The following NFATC2 variants were observed in gnomAD, a reference collection of about 807,000 sequenced individuals.
NFATC2 encodes the protein nuclear factor of activated T cells 2.
Under a neutral mutation model 87.3 loss-of-function variants are expected in NFATC2, and 22 were observed. The ratio of observed to expected loss-of-function variants is 0.25; its 90% CI spans 0.18 to 0.36. The LOEUF (loss-of-function observed/expected upper bound fraction) is 0.36. Ranked by LOEUF, NFATC2 falls within the 10% of genes least tolerant of loss-of-function variation. The pLI, the probability that NFATC2 is intolerant of heterozygous loss-of-function variation, is 1.00. For missense variants in NFATC2, 1,149 were observed against 1,259.1 expected (o/e 0.91, Z 1.32); for synonymous variants, 565 against 542.2 (o/e 1.04, Z -0.58).
intron 9 of NFATC2, among the ~76,000 whole-genome samples, chr20:51,415,285 A>G (rs1330878512): frequency 6.6e-6 from 1 of 152,044 alleles, no homozygotes; most frequent in African/African-American, 2.4e-5. Flanking sequence ...CAATCAGGAG[A>G]AAGTCTCCCT....
At chr20:51,440,864 T>G (rs1260358446) in intron 6 of NFATC2, among the ~76,000 whole-genome samples, 1 of 152,216 alleles carries the variant, frequency 6.6e-6, no homozygotes, top group Non-Finnish European at 1.5e-5. Context: ...TGGGGTCATT[T>G]TCCCAGGCTC....
upstream of NFATC2, among the ~76,000 whole-genome samples, chr20:51,543,679 A>G (rs539863208): frequency 7.9e-5 from 12 of 152,342 alleles, no homozygotes; most frequent in Admixed American, 2.6e-4. Flanking sequence ...TTCTGATTCC[A>G]TAAGTCTGAA....
intron 5 of NFATC2, among the ~76,000 whole-genome samples, chr20:51,463,086 T>C (rs1199610902): frequency 6.6e-6 from 1 of 152,258 alleles, no homozygotes; most frequent in Admixed American, 6.5e-5. Flanking sequence ...TCCTTGGCTG[T>C]GAGCCTGGTC....
At chr20:51,427,447 G>A (rs933008115) in intron 9 of NFATC2, among the ~76,000 whole-genome samples, 4 of 152,120 alleles carry the variant, frequency 2.6e-5, no homozygotes, top group East Asian at 1.9e-4. Flanking sequence ...AAGTAACCGC[G>A]CTCATGACAG....
At chr20:51,515,877 T>C (rs751296454) in intron 3 of NFATC2, among the ~76,000 whole-genome samples, 1 of 152,176 alleles carries the variant, frequency 6.6e-6, no homozygotes, top group Non-Finnish European at 1.5e-5. Context: ...CCCAACAATC[T>C]GAATTTTTAA....
At chr20:51,457,105 G>C (rs1986625486) in intron 5 of NFATC2, among the ~76,000 whole-genome samples, 1 of 152,242 alleles carries the variant, frequency 6.6e-6, no homozygotes, top group Admixed American at 6.5e-5. Flanking sequence ...TCTCCCACAT[G>C]GGCTGGGTTA....
At chr20:51,468,297 T>C (rs1430205597) in intron 5 of NFATC2, among the ~76,000 whole-genome samples, 1 of 120,374 alleles carries the variant, frequency 8.3e-6, no homozygotes, top group Non-Finnish European at 1.8e-5. Flanking sequence ...TGCAATCTAC[T>C]TTATCTTAAT....
intron 10 of NFATC2, among the ~76,000 whole-genome samples, chr20:51,391,735 C>G (rs1986373396): frequency 6.6e-6 from 1 of 152,090 alleles, no homozygotes; most frequent in Non-Finnish European, 1.5e-5. Context: ...AGGCTGGTCT[C>G]AAACTCCTGA....
rs374639245 is a variant in NFATC2 at position 51,517,490 on chromosome 20, G to A, written c.1161-535C>T. ...GCCTATAGTCCCAGCTACCTGGGAC[G>A]CTGAGGTGGGAAGATCATCTGAGCC... is the stretch of plus-strand genomic sequence containing the variant. On this transcript the variant is annotated intron_variant, in intron 2 of 10. Coordinates refer to ENST00000371564, the MANE Select transcript of NFATC2 (RefSeq NM_012340.5). Among the ~76,000 whole-genome samples the A allele has an allele frequency of 2.3e-3, 351 of 152,020 alleles. 2 individuals carry two copies. The highest frequency in any genetic ancestry group is 7.6e-3 in the African/African-American group (313 of 41,452).
rs369708179 is a variant in NFATC2 at position 51,527,240 on chromosome 20, G to A, written c.131-3130C>T. ...AAAGCATCAAGCTCCTTCCTGCCCC[G>A]GGACCTTGGTACTTGCTGCTCCCCC... is the stretch of plus-strand genomic sequence containing the variant. On this transcript the variant is annotated intron_variant, in intron 1 of 10. Coordinates refer to ENST00000371564, the MANE Select transcript of NFATC2 (RefSeq NM_012340.5). 6.4e-4 allele frequency among the ~76,000 whole-genome samples: 98 copies of A among 152,126 alleles called. No homozygotes were observed. The South Asian group carries it at 6.9e-3, about 11-fold the overall frequency.
intron 3 of NFATC2, among the ~76,000 whole-genome samples, chr20:51,491,161 C>A (rs1423460031): frequency 6.6e-6 from 1 of 152,124 alleles, no homozygotes; most frequent in Admixed American, 6.5e-5. Context: ...AAAGGAAAAT[C>A]ATCTCCTGGC....
rs1375040609 is a variant in NFATC2, at chr20:51,533,097, C to T, written c.131-8987G>A. ...GCACTTAGGATGCCACAGCTGGCAC[C>T]GCAGATCTGTAGCCGGAGGAAAGGG... On this transcript the variant is annotated intron_variant, in intron 1 of 10. Coordinates refer to ENST00000371564, the MANE Select transcript of NFATC2 (RefSeq NM_012340.5). Among the ~76,000 whole-genome samples the T allele has an allele frequency of 5.9e-5, 9 of 152,314 alleles. 1 individual carries two copies. Among genetic ancestry groups the T allele is most frequent in the Middle Eastern group, 6.8e-3 (2 of 294 alleles).
At chr20:51,546,547 C>G (rs1038649412), upstream of NFATC2, among the ~76,000 whole-genome samples, 2 of 152,104 alleles carry the variant, frequency 1.3e-5, no homozygotes, top group African/African-American at 4.8e-5. Context: ...TGTCTGACCT[C>G]CTTTGGACAC....
At chr20:51,522,013 T>G (rs1460057172) in intron 2 of NFATC2, among the ~76,000 whole-genome samples, 1 of 152,216 alleles carries the variant, frequency 6.6e-6, no homozygotes, top group Non-Finnish European at 1.5e-5. Context: ...GGCATTGTAT[T>G]AGGTATTCTA....
chr20:51,391,104 T>C lies in NFATC2; in HGVS notation c.*392A>G. On this transcript the variant is annotated 3_prime_UTR_variant, in exon 11 of 11. Transcript: ENST00000371564. The stretch of plus-strand genomic sequence containing the variant: ...TTCTCAGGAGAGTTCCAGTGTCCTG[T>C]CTCATGTAGAATGTGCTTTTGGTCA... 1 of 546,284 alleles carries C rather than the reference T, an allele frequency of 1.8e-6. No homozygotes were observed. The highest frequency in any genetic ancestry group is 1.8e-5 in the South Asian group (1 of 56,180). The allele number at this position is 546,284 out of a possible 1,614,324, so 33.8% of individuals were successfully genotyped here.
chr20:51,543,731 T>A (rs2076861444), upstream of NFATC2, among the ~76,000 whole-genome samples: 2 of 152,104 alleles, frequency 1.3e-5, no homozygotes, highest in Admixed American at 1.3e-4. Flanking sequence ...GCACCCAACG[T>A]GAGCATTAAT....
intron 1 of NFATC2, among the ~76,000 whole-genome samples, chr20:51,541,860 G>C (rs774476490): frequency 6.6e-6 from 1 of 152,186 alleles, no homozygotes; most frequent in Non-Finnish European, 1.5e-5. Context: ...GAGGTGATGG[G>C]AGCTGCGTGG....
chr20:51,548,178 C>T (rs372713734), intron 1 of NFATC2, among the ~76,000 whole-genome samples: 1 of 152,118 alleles, frequency 6.6e-6, no homozygotes, highest in Non-Finnish European at 1.5e-5. Context: ...TTGATAACGC[C>T]CACATGACCC....
In NFATC2 at chr20:51,387,918, T is replaced by A. The variant is rs1343892991; in HGVS notation, c.*3578A>T. 2 of 143,430 alleles carry A rather than the reference T, an allele frequency of 1.4e-5. No individual in the cohort carries two copies. Among genetic ancestry groups the A allele is most frequent in the Non-Finnish European group, 3.0e-5 (2 of 66,988 alleles). The allele number at this position is 143,430 out of a possible 1,614,324, so 8.9% of individuals were successfully genotyped here. A position where few individuals can be genotyped will look rare whatever the true frequency, so the allele number is the denominator to read the frequency against. On this transcript the variant is annotated 3_prime_UTR_variant, in exon 11 of 11. Transcript: ENST00000371564. ...GCCTCACTGTAGTCCAGAGTGAGAATTAGAACATACCAACTTCCAATCTGC... is the reference window on the plus strand; with the variant it reads ...GCCTCACTGTAGTCCAGAGTGAGAAATAGAACATACCAACTTCCAATCTGC...
Sources: allele counts gnomAD v4.1 joint callset (sites outside exome capture counted in the v4.1 genomes callset), GRCh38; gene constraint gnomAD v4.1.1; transcripts MANE v1.5; gene names NCBI Gene and HGNC (gene_info 2026-07-23, HGNC 2026-07-21).